RELN: variants seen among roughly 807,000 people sequenced by gnomAD.
RELN encodes the protein reelin.
A neutral mutation model predicts 427.6 loss-of-function variants in RELN; 108 were observed. The observed-to-expected ratio is 0.25, with a 90% CI of 0.22 to 0.30. The LOEUF (loss-of-function observed/expected upper bound fraction) is 0.30. Ranked by LOEUF, RELN falls within the 10% of genes least tolerant of loss-of-function variation. The pLI is 1.00. For missense variants in RELN, 3,715 were observed against 4,302.8 expected, an observed-to-expected ratio of 0.86 and a Z score of 3.82; for synonymous variants, 1,524 against 1,513.4, an observed-to-expected ratio of 1.01 and a Z score of -0.16.
intron 2 of RELN, among the ~76,000 whole-genome samples, chr7:103,835,986 C>T (rs1050639804): frequency 1.4e-5 from 2 of 146,018 alleles, no homozygotes; most frequent in African/African-American, 2.6e-5. Context: ...GGCGGAGTCT[C>T]ACTCCGTCAC....
At chr7:103,838,122 T>C (rs1393185191) in intron 2 of RELN, among the ~76,000 whole-genome samples, 1 of 136,964 alleles carries the variant, frequency 7.3e-6, no homozygotes, top group African/African-American at 2.8e-5. Flanking sequence ...AGCAGGAGAA[T>C]GGCGTGAACC....
At chr7:103,830,577 G>A (rs1013548007) in intron 3 of RELN, among the ~76,000 whole-genome samples, 5 of 151,502 alleles carry the variant, frequency 3.3e-5, no homozygotes, top group African/African-American at 9.7e-5. Flanking sequence ...AATCCTCTTC[G>A]AGGATTCCTG....
chr7:103,536,610 CTT>C (rs1830057359), intron 45 of RELN, among the ~76,000 whole-genome samples: 1 of 152,224 alleles, frequency 6.6e-6, no homozygotes, highest in Admixed American at 6.5e-5. Flanking sequence ...TGGTCTCAGT[CTT>C]CATTGTGCTT....
chr7:103,498,101 T>G lies in RELN; in HGVS notation c.8819A>C (p.Gln2940Pro). The change falls in exon 54 of 65, where the codon CAA (glutamine) becomes CCA (proline). Residue 2940 changes from glutamine (Q) to proline (P), a missense_variant. Physicochemically the swap from Gln to Pro is moderately conservative, Grantham distance 76 (BLOSUM62 -1). Transcript: ENST00000428762. ...CTTTGCACCTCGAAGATCCAAATCT[T>G]GTGTAACCGCTTGTCTCACAGTGGA... Reference protein sequence around the residue: ...GGSTVRQAVTQDLDLRGAKFL... With the variant: ...GGSTVRQAVTPDLDLRGAKFL... 6.2e-7 allele frequency: 1 copy of G among 1,614,182 alleles called. No homozygotes were observed. Among genetic ancestry groups the G allele is most frequent in the South Asian group, 1.1e-5 (1 of 91,092 alleles).
At chr7:103,720,150 T>C (rs1790040300) in intron 8 of RELN, among the ~76,000 whole-genome samples, 1 of 150,838 alleles carries the variant, frequency 6.6e-6, no homozygotes, top group African/African-American at 2.4e-5. Flanking sequence ...TATAATGTAA[T>C]ATATGTATAT....
At chr7:103,496,797 A>G (rs762924055) in intron 55 of RELN, 29 bp from the exon 56 acceptor site, 3 of 1,611,494 alleles carry the variant, frequency 1.9e-6, no homozygotes, top group Non-Finnish European at 1.7e-6. Context: ...CAACATAGCA[A>G]TATATCTAGA....
intron 2 of RELN, among the ~76,000 whole-genome samples, chr7:103,853,598 A>G (rs528146004): frequency 3.7e-4 from 57 of 152,068 alleles, no homozygotes; most frequent in African/African-American, 1.4e-3. Context: ...ATTTGGAATT[A>G]TTTCACCTAC....
chr7:103,635,406 C>T lies in RELN; in HGVS notation c.2465+19G>A. 2.5e-6 allele frequency: 4 copies of T among 1,612,600 alleles called. No individual in the cohort carries two copies. Among genetic ancestry groups the T allele is most frequent in the Non-Finnish European group, 2.5e-6 (3 of 1,179,236 alleles). The stretch of plus-strand genomic sequence containing the variant: ...AGATTTCACTCTACAACCATTTTTC[C>T]AAATGCTTTCCAACATACCTGGGCT... On this transcript the variant is annotated intron_variant, in intron 19 of 64. Transcript: ENST00000428762.
intron 5 of RELN, among the ~76,000 whole-genome samples, chr7:103,752,648 C>A (rs1791033748): frequency 6.6e-6 from 1 of 152,162 alleles, no homozygotes; most frequent in Non-Finnish European, 1.5e-5. Context: ...CACCTGGTCT[C>A]AAGTGATCTT....
intron 15 of RELN, among the ~76,000 whole-genome samples, chr7:103,651,089 C>A (rs983531982): frequency 6.6e-6 from 1 of 152,074 alleles, no homozygotes; most frequent in African/African-American, 2.4e-5. Flanking sequence ...CCTAGCCCTA[C>A]ACACATTTAA....
intron 8 of RELN, among the ~76,000 whole-genome samples, chr7:103,709,593 T>C (rs1395677207): frequency 6.6e-6 from 1 of 152,206 alleles, no homozygotes; most frequent in African/African-American, 2.4e-5. Context: ...AGGCAGCCTC[T>C]ACTACTACCC....
intron 17 of RELN, among the ~76,000 whole-genome samples, chr7:103,639,959 T>C (rs1832664686): frequency 6.6e-6 from 1 of 152,178 alleles, no homozygotes; most frequent in Non-Finnish European, 1.5e-5. Flanking sequence ...AATAATTCAT[T>C]GGTGGTAATT....
intron 1 of RELN, among the ~76,000 whole-genome samples, chr7:103,980,142 A>G (rs1796961384): frequency 6.6e-6 from 1 of 151,870 alleles, no homozygotes; most frequent in Non-Finnish European, 1.5e-5. Flanking sequence ...CCTGGACAAC[A>G]AGAGCGAAAC....
rs145135688 is a variant in RELN, at chr7:103,989,298, G to A, written c.59C>T (p.Thr20Met). The A allele has an allele frequency of 5.1e-5, 82 of 1,612,042 alleles. No homozygotes were observed. In the African/African-American group the frequency reaches 9.2e-4, roughly 18 times the overall value. ...GCCAGCCGCCGCGCGCGCCCTCAGCGTCGCCCCCAGCAACAGCGCTAGGAG... is the reference window on the plus strand; with the variant it reads ...GCCAGCCGCCGCGCGCGCCCTCAGCATCGCCCCCAGCAACAGCGCTAGGAG... ...TFLLALLLGA[T>M]LRARAAAGYY... Residue 20 changes from threonine to methionine, a missense_variant, in exon 1 of 65, where the codon ACG becomes ATG. Coordinates refer to ENST00000428762, the MANE Select transcript of RELN (RefSeq NM_005045.4). The surrounding 1 kb of genome is among the most constrained non-coding windows in gnomAD (Gnocchi z 4.9).
intron 46 of RELN, among the ~76,000 whole-genome samples, chr7:103,528,560 G>T (rs1829873041): frequency 6.6e-6 from 1 of 150,912 alleles, no homozygotes; most frequent in African/African-American, 2.4e-5. Context: ...GTCTCATCTT[G>T]CTCTGTCATG....
chr7:103,494,541 ATT>A (rs35989965), intron 57 of RELN, among the ~76,000 whole-genome samples: 10,457 of 126,098 alleles, frequency 0.083, 1,089 homozygotes, highest in African/African-American at 0.25. Context: ...CGCCCAGCTA[ATT>A]TTTTTTTTTT....
chr7:103,800,019 C>T (rs535683366), intron 3 of RELN, among the ~76,000 whole-genome samples: 2 of 151,952 alleles, frequency 1.3e-5, no homozygotes, highest in African/African-American at 4.9e-5. Flanking sequence ...GACAAACTCA[C>T]AGCCAATATT....
At chr7:103,528,694 A>G (rs974694898) in intron 46 of RELN, among the ~76,000 whole-genome samples, 1 of 151,640 alleles carries the variant, frequency 6.6e-6, no homozygotes, top group Non-Finnish European at 1.5e-5. Context: ...GCGCCCGGCT[A>G]ATTTTTGTAT....
At chr7:103,697,769 T>G in intron 10 of RELN, 84 bp downstream of exon 10, 13 of 1,593,482 alleles carry the variant, frequency 8.2e-6, no homozygotes, top group Non-Finnish European at 1.1e-5. Context: ...AATAGCTATC[T>G]TTATACAATT....
Sources: allele counts gnomAD v4.1 joint callset (sites outside exome capture counted in the v4.1 genomes callset), GRCh38; gene constraint gnomAD v4.1.1; non-coding constraint Gnocchi (gnomAD v3.1); transcripts MANE v1.5; gene names NCBI Gene and HGNC (gene_info 2026-07-23, HGNC 2026-07-21).